Variants in KCNH7 observed in about 807,000 individuals in gnomAD.
The protein encoded by KCNH7 is voltage-gated inwardly rectifying potassium channel KCNH7.
In KCNH7, 49 loss-of-function variants were observed where a neutral mutation model predicts 120.8. The ratio of observed to expected loss-of-function variants is 0.41; its 90% confidence interval spans 0.32 to 0.51. The LOEUF is 0.51. Among genes scored for constraint, KCNH7 ranks in the 20% least tolerant of loss-of-function variants. The probability of loss-of-function intolerance (pLI) is 0.38; values close to 1 mark genes in which losing one functional copy is unlikely to be tolerated. For missense variants in KCNH7, 1,097 were observed against 1,446.6 expected (o/e 0.76, Z 3.92); for synonymous variants, 547 against 516.1 (o/e 1.06, Z -0.81).
chr2:162,658,939 C>A (rs970562986), intron 2 of KCNH7, among the ~76,000 whole-genome samples: 2 of 152,114 alleles, frequency 1.3e-5, no homozygotes, highest in Non-Finnish European at 2.9e-5. Context: ...TTTCTTCCTT[C>A]CCAATTTTAA....
chr2:162,519,805 C>A (rs1691455286), intron 3 of KCNH7, among the ~76,000 whole-genome samples: 1 of 151,716 alleles, frequency 6.6e-6, no homozygotes, highest in Non-Finnish European at 1.5e-5. Flanking sequence ...TATTAACTAC[C>A]TTCTTATATT....
At position 162,838,742 on chromosome 2, in the gene KCNH7, T is replaced by A. The variant is rs912793663; in HGVS notation, c.-224A>T. 5 of 191,434 alleles carry A rather than the reference T, an allele frequency of 2.6e-5. No individual in the cohort carries two copies. In the Admixed American group the frequency reaches 3.2e-4, roughly 12 times the overall value. The allele number at this position is 191,434 out of a possible 1,614,324, so 11.9% of individuals were successfully genotyped here. ...TTCCGGAGGGGGCCTCGCACCGGAC[T>A]GCCGCGGGTGAGAGGGTTTGGGGGT... is the stretch of plus-strand genomic sequence containing the variant. On this transcript the variant is annotated 5_prime_UTR_variant, in exon 1 of 16. Coordinates refer to ENST00000332142, the MANE Select transcript of KCNH7 (RefSeq NM_033272.4).
intron 2 of KCNH7, among the ~76,000 whole-genome samples, chr2:162,561,174 C>G (rs1467644911): frequency 6.6e-6 from 1 of 151,882 alleles, no homozygotes; most frequent in African/African-American, 2.4e-5. Context: ...CTATCAAGAT[C>G]ATAATTATGT....
chr2:162,423,251 A>G, intron 9 of KCNH7, 85 bp downstream of exon 9: 1 of 1,608,368 alleles, frequency 6.2e-7, no homozygotes, highest in South Asian at 1.1e-5. Context: ...AAGGGGTTCA[A>G]AGCTGGTGAT....
At chr2:162,529,753 A>T (rs912274189) in intron 3 of KCNH7, among the ~76,000 whole-genome samples, 1 of 151,852 alleles carries the variant, frequency 6.6e-6, no homozygotes, top group African/African-American at 2.4e-5. Flanking sequence ...GCTCCTTTAA[A>T]TGTGGCCCCT....
intron 6 of KCNH7, among the ~76,000 whole-genome samples, chr2:162,458,866 C>T (rs529791771): frequency 2.1e-4 from 32 of 151,778 alleles, no homozygotes; most frequent in South Asian, 6.3e-4. Flanking sequence ...ATTAGTTGGG[C>T]GTGATGGCAT....
chr2:162,538,539 A>C (rs928460671), intron 2 of KCNH7, among the ~76,000 whole-genome samples: 2 of 152,062 alleles, frequency 1.3e-5, no homozygotes, highest in South Asian at 4.1e-4. Context: ...AAACAGCTGA[A>C]GGATCTTTTT....
chr2:162,388,951 G>A (rs140491828), intron 12 of KCNH7, among the ~76,000 whole-genome samples: 145 of 152,016 alleles, frequency 9.5e-4, no homozygotes, highest in African/African-American at 3.2e-3. Flanking sequence ...TATATGGCTA[G>A]GGAAATGAGT....
At chr2:162,521,297 A>G (rs1313034877) in intron 3 of KCNH7, among the ~76,000 whole-genome samples, 2 of 151,894 alleles carry the variant, frequency 1.3e-5, no homozygotes, top group African/African-American at 2.4e-5. Context: ...GAATGTGCTC[A>G]ATTTTGACTG....
At chr2:162,734,200 A>C (rs544658554) in intron 2 of KCNH7, among the ~76,000 whole-genome samples, 1 of 152,228 alleles carries the variant, frequency 6.6e-6, no homozygotes, top group Non-Finnish European at 1.5e-5. Flanking sequence ...TTCCTTCATG[A>C]ATCTGGGATA....
chr2:162,493,258 C>T (rs147098313), intron 6 of KCNH7, among the ~76,000 whole-genome samples: 129 of 152,006 alleles, frequency 8.5e-4, no homozygotes, highest in African/African-American at 3.0e-3. Flanking sequence ...CTTCTTCTGT[C>T]TGTGTAATCA....
At chr2:162,672,290 T>C (rs1035504831) in intron 2 of KCNH7, among the ~76,000 whole-genome samples, 8 of 152,106 alleles carry the variant, frequency 5.3e-5, no homozygotes, top group African/African-American at 1.7e-4. Flanking sequence ...TTTCAAGAGA[T>C]TGAGTTTATG....
At chr2:162,823,080 G>C (rs1229330678) in intron 2 of KCNH7, among the ~76,000 whole-genome samples, 1 of 152,208 alleles carries the variant, frequency 6.6e-6, no homozygotes, top group Non-Finnish European at 1.5e-5. Context: ...TGGTACAGTA[G>C]AGTGCTGAGC....
chr2:162,371,510 T>C lies in KCNH7; in HGVS notation c.*319A>G. On this transcript the variant is annotated 3_prime_UTR_variant, in exon 16 of 16. Coordinates refer to ENST00000332142, the MANE Select transcript of KCNH7 (RefSeq NM_033272.4). ...TTTTCATAACGAAGTACTGGTTTAG[T>C]AAAAGCAGTAAATAGGAGTCTCCAT... is the stretch of plus-strand genomic sequence containing the variant. 2 of 1,201,846 alleles carry C rather than the reference T, an allele frequency of 1.7e-6. No homozygotes were observed. Among genetic ancestry groups the C allele is most frequent in the Non-Finnish European group, 1.1e-6 (1 of 937,222 alleles). The allele number at this position is 1,201,846 out of a possible 1,614,324, so 74.4% of individuals were successfully genotyped here. A position where few individuals can be genotyped will look rare whatever the true frequency, so the allele number is the denominator to read the frequency against.
intron 2 of KCNH7, among the ~76,000 whole-genome samples, chr2:162,790,609 C>G (rs1161465562): frequency 6.6e-6 from 1 of 151,934 alleles, no homozygotes; most frequent in African/African-American, 2.4e-5. Context: ...CTGAATGGAA[C>G]AGCACATTAA....
At chr2:162,415,547 T>C (rs1001494538) in intron 9 of KCNH7, among the ~76,000 whole-genome samples, 3 of 152,170 alleles carry the variant, frequency 2.0e-5, no homozygotes, top group Non-Finnish European at 4.4e-5. Flanking sequence ...AATGATTCTA[T>C]ACTTTAATTT....
intron 6 of KCNH7, among the ~76,000 whole-genome samples, chr2:162,450,713 G>T (rs990390270): frequency 6.6e-6 from 1 of 151,978 alleles, no homozygotes; most frequent in African/African-American, 2.4e-5. Flanking sequence ...ATCAGTTTGA[G>T]AATTATTAAA....
intron 2 of KCNH7, among the ~76,000 whole-genome samples, chr2:162,706,596 T>C (rs775723760): frequency 5.3e-5 from 8 of 152,056 alleles, no homozygotes; most frequent in Non-Finnish European, 8.8e-5. Flanking sequence ...CCATTTGACA[T>C]AATCAAAGAT....
rs879413583 is a variant in KCNH7 at position 162,793,668 on chromosome 2, TA to T, written c.307+42868del. Among the ~76,000 whole-genome samples, 271 of 151,190 alleles carry T rather than the reference TA, an allele frequency of 1.8e-3. 1 individual carries two copies. The highest frequency in any genetic ancestry group is 3.7e-3 in the East Asian group (19 of 5,156). On this transcript the variant is annotated intron_variant, in intron 2 of 15. Coordinates refer to ENST00000332142, the MANE Select transcript of KCNH7 (RefSeq NM_033272.4). The stretch of plus-strand genomic sequence containing the variant: ...CTACAGATTCAATGTAATAATTATC[TA>T]AAAAAAAATCAAGTTCATAGAAGTA...
Sources: allele counts gnomAD v4.1 joint callset (sites outside exome capture counted in the v4.1 genomes callset), GRCh38; gene constraint gnomAD v4.1.1; transcripts MANE v1.5; gene names NCBI Gene and HGNC (gene_info 2026-07-23, HGNC 2026-07-21).